RAD51B: variants seen among roughly 807,000 people sequenced by gnomAD.
RAD51B encodes RAD51 paralog B, also known as DNA repair protein RAD51 homolog 2.
In RAD51B, 38 loss-of-function variants were observed where a neutral mutation model predicts 42.2. That is an observed-to-expected ratio of 0.90 (90% CI 0.70 to 1.18). The LOEUF is 1.18. RAD51B is among the 50% of genes most tolerant of loss of function. The probability of loss-of-function intolerance (pLI) is 0.00; values close to 1 mark genes in which losing one functional copy is unlikely to be tolerated. For missense variants in RAD51B, 373 were observed against 400.7 expected, an observed-to-expected ratio of 0.93 and a Z score of 0.59; for synonymous variants, 154 against 145.2, an observed-to-expected ratio of 1.06 and a Z score of -0.43.
chr14:67,885,777 G>A lies in RAD51B; in HGVS notation c.453-92G>A, dbSNP rs187864599. ...ATACCTGCTCTATTGATAAGGCTTAGGAGTTTCTCAAGTAAAATTAATTAG... is the reference window on the plus strand; with the variant it reads ...ATACCTGCTCTATTGATAAGGCTTAAGAGTTTCTCAAGTAAAATTAATTAG... On this transcript the variant is annotated intron_variant, in intron 5 of 10. Coordinates refer to ENST00000471583, the MANE Select transcript of RAD51B (RefSeq NM_133510.4). 2.9e-4 allele frequency: 437 copies of A among 1,485,314 alleles called. 1 individual carries two copies. In the African/African-American group the frequency reaches 5.7e-3, roughly 19 times the overall value. 92.0% of individuals were successfully genotyped at this position (1,485,314 alleles called of 1,614,324 possible). A position where few individuals can be genotyped will look rare whatever the true frequency, so the allele number is the denominator to read the frequency against.
At chr14:68,277,900 G>A (rs1047753393) in intron 7 of RAD51B, among the ~76,000 whole-genome samples, 2 of 152,178 alleles carry the variant, frequency 1.3e-5, no homozygotes, top group African/African-American at 4.8e-5. Context: ...GTGCCACCAT[G>A]CCTGGCTAAT....
intron 5 of RAD51B, among the ~76,000 whole-genome samples, chr14:67,871,850 C>T (rs1175415327): frequency 6.6e-6 from 1 of 152,150 alleles, no homozygotes; most frequent in Non-Finnish European, 1.5e-5. Context: ...ATGATTATCT[C>T]AATAGATGCA....
At chr14:68,477,139 G>T (rs1400596653) in intron 10 of RAD51B, among the ~76,000 whole-genome samples, 1 of 152,248 alleles carries the variant, frequency 6.6e-6, no homozygotes, top group Non-Finnish European at 1.5e-5. Context: ...CTTGTAAGGA[G>T]TGTTTTGGTC....
At chr14:68,231,725 G>A (rs539418098) in intron 7 of RAD51B, among the ~76,000 whole-genome samples, 10 of 152,286 alleles carry the variant, frequency 6.6e-5, no homozygotes, top group African/African-American at 2.4e-4. Context: ...GAAGGACTTG[G>A]ATCTTTTCTA....
chr14:68,440,840 A>G (rs1333288289), intron 9 of RAD51B, among the ~76,000 whole-genome samples: 1 of 152,214 alleles, frequency 6.6e-6, no homozygotes. Flanking sequence ...TGCATGTTCT[A>G]ATACTACAGG....
intron 10 of RAD51B, among the ~76,000 whole-genome samples, chr14:68,648,623 G>A (rs1168541931): frequency 1.3e-5 from 2 of 148,818 alleles, no homozygotes; most frequent in Non-Finnish European, 3.0e-5. Flanking sequence ...GAAGCTTAAC[G>A]AAGAATTTTT....
intron 7 of RAD51B, among the ~76,000 whole-genome samples, chr14:67,917,785 G>A (rs1012578556): frequency 5.3e-5 from 8 of 152,150 alleles, no homozygotes; most frequent in African/African-American, 1.9e-4. Flanking sequence ...TGTGGACAGA[G>A]CAGATTTGAG....
intron 10 of RAD51B, among the ~76,000 whole-genome samples, chr14:68,503,459 C>T (rs1349947812): frequency 3.3e-5 from 5 of 152,108 alleles, no homozygotes; most frequent in African/African-American, 4.8e-5. Context: ...ACAGAGAAGG[C>T]GGCAAGGCCT....
At chr14:68,026,660 G>A (rs1566588251) in intron 7 of RAD51B, among the ~76,000 whole-genome samples, 1 of 151,894 alleles carries the variant, frequency 6.6e-6, no homozygotes, top group Non-Finnish European at 1.5e-5. Flanking sequence ...TATAAGAATA[G>A]TAACTCCTGC....
chr14:68,670,081 G>A (rs1484883316), intron 11 of RAD51B, among the ~76,000 whole-genome samples: 12 of 152,226 alleles, frequency 7.9e-5, no homozygotes, highest in Admixed American at 7.9e-4. Context: ...TAGACACGCT[G>A]CCGAGAGAAC....
intron 7 of RAD51B, among the ~76,000 whole-genome samples, chr14:68,014,195 CTTTCTTTTTTTT>C (rs2075735649): frequency 7.4e-6 from 1 of 135,406 alleles, no homozygotes; most frequent in Non-Finnish European, 1.5e-5. Flanking sequence ...CTTTTCTTTT[CTTTCTTTTTTTT>C]TTTTTTTCCC....
intron 9 of RAD51B, among the ~76,000 whole-genome samples, chr14:68,449,831 A>G (rs552995694): frequency 2.0e-5 from 3 of 152,214 alleles, no homozygotes; most frequent in Non-Finnish European, 4.4e-5. Context: ...CCACAGTGTC[A>G]TTAGGGTAGT....
At chr14:67,961,221 G>A (rs954282683) in intron 7 of RAD51B, among the ~76,000 whole-genome samples, 1 of 152,012 alleles carries the variant, frequency 6.6e-6, no homozygotes, top group African/African-American at 2.4e-5. Flanking sequence ...GCCCAGGCTG[G>A]TCTCAAACTT....
At chr14:68,131,012 C>A (rs1301103657) in intron 7 of RAD51B, among the ~76,000 whole-genome samples, 1 of 152,036 alleles carries the variant, frequency 6.6e-6, no homozygotes, top group African/African-American at 2.4e-5. Context: ...ATGTATTTAG[C>A]TAATTATGTG....
At chr14:68,218,354 T>A (rs2079856867) in intron 7 of RAD51B, among the ~76,000 whole-genome samples, 1 of 152,246 alleles carries the variant, frequency 6.6e-6, no homozygotes, top group Admixed American at 6.5e-5. Flanking sequence ...CAAACTTTAA[T>A]GCTGGCTTCA....
At chr14:68,670,748 T>C (rs1893139336) in intron 11 of RAD51B, among the ~76,000 whole-genome samples, 1 of 152,206 alleles carries the variant, frequency 6.6e-6, no homozygotes, top group Admixed American at 6.5e-5. Flanking sequence ...AAACTTAAGT[T>C]TGCCAGCAAA....
At position 68,541,911 on chromosome 14, in the gene RAD51B, T is replaced by C. The variant is rs991414196; in HGVS notation, c.1037-52574T>C. ...ATCCCCATTGGTCCTCTATTTTGTA[T>C]AGAAGTGGTTCCCAAACTTTTTTGA... On this transcript the variant is annotated intron_variant, in intron 10 of 10. Transcript: ENST00000487270. The C allele has an allele frequency of 7.8e-6, 7 of 902,128 alleles. 1 individual carries two copies. In the African/African-American group the frequency reaches 1.3e-4, roughly 16 times the overall value. The allele number at this position is 902,128 out of a possible 1,614,324, so 55.9% of individuals were successfully genotyped here.
intron 10 of RAD51B, among the ~76,000 whole-genome samples, chr14:68,532,656 A>G (rs779000161): frequency 1.8e-4 from 27 of 152,226 alleles, no homozygotes; most frequent in Non-Finnish European, 3.7e-4. Flanking sequence ...TGGCCAACCT[A>G]TCAAGAACAG....
At chr14:68,469,021 A>G in intron 10 of RAD51B, 1 of 436,230 alleles carries the variant, frequency 2.3e-6, no homozygotes, top group Non-Finnish European at 4.9e-6. Context: ...TGTCAGATGT[A>G]CAAAACTGCT....
Sources: gnomAD v4.1 joint callset for allele counts (sites outside exome capture counted in the v4.1 genomes callset) on GRCh38, gnomAD v4.1.1 for gene constraint, MANE v1.5 for transcripts, NCBI Gene and HGNC (gene_info 2026-07-23, HGNC 2026-07-21) for gene names.